CACNA2D3: variants seen among roughly 807,000 people sequenced by gnomAD.
The protein encoded by CACNA2D3 is calcium voltage-gated channel auxiliary subunit alpha2delta 3, also known as voltage-dependent calcium channel subunit alpha-2/delta-3.
CACNA2D3 carries 60 observed loss-of-function variants against 160.6 expected under a neutral mutation model. That is an observed-to-expected ratio of 0.37 (90% confidence interval 0.30 to 0.46). CACNA2D3 has a LOEUF of 0.46. Among genes scored for constraint, CACNA2D3 ranks in the 20% least tolerant of loss-of-function variants. The probability of loss-of-function intolerance (pLI) is 1.00; values close to 1 mark genes in which losing one functional copy is unlikely to be tolerated. For synonymous variants in CACNA2D3, 558 were observed against 492.9 expected (o/e 1.13, Z -1.75); for missense variants, 1,205 against 1,365.0 (o/e 0.88, Z 1.85).
chr3:54,705,949 G>A (rs540622237), intron 11 of CACNA2D3, among the ~76,000 whole-genome samples: 193 of 152,184 alleles, frequency 1.3e-3, no homozygotes, highest in African/African-American at 4.3e-3. Flanking sequence ...TCTTCTCCTC[G>A]TATAGTTCTC....
intron 11 of CACNA2D3, among the ~76,000 whole-genome samples, chr3:54,709,386 G>C (rs1174431974): frequency 6.6e-6 from 1 of 151,292 alleles, no homozygotes; most frequent in Non-Finnish European, 1.5e-5. Flanking sequence ...CTTAAAGAGA[G>C]GGTCTCCCTC....
intron 4 of CACNA2D3, among the ~76,000 whole-genome samples, chr3:54,397,331 A>T (rs1699374904): frequency 1.7e-5 from 1 of 60,140 alleles, no homozygotes; most frequent in Non-Finnish European, 3.1e-5. Flanking sequence ...TTCTGCTCTG[A>T]TTTTAGTTAT....
At chr3:54,268,910 T>A (rs1226406465) in intron 2 of CACNA2D3, among the ~76,000 whole-genome samples, 1 of 152,160 alleles carries the variant, frequency 6.6e-6, no homozygotes, top group Non-Finnish European at 1.5e-5. Flanking sequence ...TGAAACTTAG[T>A]GGCATGAGAA....
rs188638342 is a variant in CACNA2D3, at chr3:54,673,979, C to T, written c.1167+31738C>T. Among the ~76,000 whole-genome samples, 53 of 152,312 alleles carry T rather than the reference C, an allele frequency of 3.5e-4. 1 individual carries two copies. Among genetic ancestry groups the T allele is most frequent in the Admixed American group, 6.5e-4 (10 of 15,304 alleles). On this transcript the variant is annotated intron_variant, in intron 11 of 37. Coordinates refer to ENST00000474759, the MANE Select transcript of CACNA2D3 (RefSeq NM_018398.3). ...CCGCCGGCAGCTGTGTCTTCCATGGCTGATGAAGCAGAGCAAGGGAGGCAG... is the reference window on the plus strand; with the variant it reads ...CCGCCGGCAGCTGTGTCTTCCATGGTTGATGAAGCAGAGCAAGGGAGGCAG...
chr3:54,431,395 T>G (rs1448632175), intron 4 of CACNA2D3, among the ~76,000 whole-genome samples: 1 of 151,978 alleles, frequency 6.6e-6, no homozygotes, highest in African/African-American at 2.4e-5. Context: ...TATTTGCTAT[T>G]AAATGAAAGT....
intron 17 of CACNA2D3, among the ~76,000 whole-genome samples, chr3:54,860,271 G>A (rs1353441304): frequency 1.3e-5 from 2 of 152,200 alleles, no homozygotes; most frequent in Admixed American, 6.5e-5. Flanking sequence ...TCTCCACAGT[G>A]AAGAGGTGTA....
At chr3:54,372,820 C>T (rs1698949583) in intron 3 of CACNA2D3, among the ~76,000 whole-genome samples, 1 of 152,216 alleles carries the variant, frequency 6.6e-6, no homozygotes, top group Non-Finnish European at 1.5e-5. Flanking sequence ...ATCCTTTAAG[C>T]TAGCTTCTCA....
At chr3:54,565,713 A>G (rs892206533) in intron 6 of CACNA2D3, among the ~76,000 whole-genome samples, 5 of 152,220 alleles carry the variant, frequency 3.3e-5, no homozygotes, top group African/African-American at 1.2e-4. Context: ...TGAATAACAT[A>G]ATGCTGTAGG....
Position 54,521,529 on chromosome 3 carries a change from A to G in CACNA2D3, c.544+17875A>G, listed in dbSNP as rs890649601. 2.0e-5 allele frequency among the ~76,000 whole-genome samples: 3 copies of G among 152,204 alleles called. No homozygotes were observed. The East Asian group carries it at 5.8e-4, about 29-fold the overall frequency. ...GCTTTCTGGATGATGCTCTTTGAAG[A>G]ACAAAAGGTTTTAATTTTGATGAAG... On this transcript the variant is annotated intron_variant, in intron 5 of 37. Coordinates refer to ENST00000474759, the MANE Select transcript of CACNA2D3 (RefSeq NM_018398.3).
chr3:54,628,132 G>A (rs1473959148), intron 10 of CACNA2D3, among the ~76,000 whole-genome samples: 5 of 152,100 alleles, frequency 3.3e-5, no homozygotes, highest in Admixed American at 1.3e-4. Flanking sequence ...CTCGGGAGGT[G>A]GAGGCAGGAG....
At chr3:54,693,062 A>G (rs1700598335) in intron 11 of CACNA2D3, among the ~76,000 whole-genome samples, 1 of 152,126 alleles carries the variant, frequency 6.6e-6, no homozygotes, top group African/African-American at 2.4e-5. Context: ...AACAACAAAA[A>G]AGCCCCAAAG....
Position 54,467,231 on chromosome 3 carries a change from T to A in CACNA2D3, c.382-36261T>A, listed in dbSNP as rs562604207. Among the ~76,000 whole-genome samples, 3 of 152,316 alleles carry A rather than the reference T, an allele frequency of 2.0e-5. No individual in the cohort carries two copies. In the South Asian group the frequency reaches 6.2e-4, roughly 32 times the overall value. ...GAATGTGAGTCTAACCAACTGGGAC[T>A]GGTAAGAGGCACCAACTCTGTGTGC... On this transcript the variant is annotated intron_variant, in intron 4 of 37. Transcript: ENST00000474759.
At chr3:54,348,540 GA>G (rs1474671832) in intron 3 of CACNA2D3, among the ~76,000 whole-genome samples, 1 of 152,160 alleles carries the variant, frequency 6.6e-6, no homozygotes, top group Non-Finnish European at 1.5e-5. Context: ...TTTTTAAATG[GA>G]AATTCGAAGC....
At chr3:54,254,284 G>A (rs1702253583) in intron 2 of CACNA2D3, among the ~76,000 whole-genome samples, 1 of 152,152 alleles carries the variant, frequency 6.6e-6, no homozygotes, top group African/African-American at 2.4e-5. Flanking sequence ...ATAGGGTACT[G>A]AAGATAGAGT....
chr3:54,604,452 G>A (rs1240825924), intron 9 of CACNA2D3, among the ~76,000 whole-genome samples: 2 of 152,004 alleles, frequency 1.3e-5, no homozygotes, highest in Non-Finnish European at 2.9e-5. Flanking sequence ...TTCTTGTATC[G>A]AAAACCAAAC....
At chr3:54,669,789 T>G (rs1467261539) in intron 11 of CACNA2D3, among the ~76,000 whole-genome samples, 1 of 152,090 alleles carries the variant, frequency 6.6e-6, no homozygotes. Context: ...ATTTATTTGT[T>G]TTGAGACCAG....
intron 17 of CACNA2D3, among the ~76,000 whole-genome samples, chr3:54,868,622 C>T (rs996374514): frequency 4.6e-5 from 7 of 152,094 alleles, no homozygotes; most frequent in Admixed American, 1.3e-4. Flanking sequence ...GGTTCTTTAG[C>T]GCAGGTATGA....
rs996392647 is a variant in CACNA2D3 at position 54,124,209 on chromosome 3, A to C, written c.204+615A>C. Among the ~76,000 whole-genome samples the C allele has an allele frequency of 2.0e-5, 3 of 152,246 alleles. 1 individual carries two copies. The highest frequency in any genetic ancestry group is 4.4e-5 in the Non-Finnish European group (3 of 68,052). On this transcript the variant is annotated intron_variant, in intron 2 of 37. Transcript: ENST00000474759. ...AAACTTAAGAAATGGGTCTGCATCCATGTAATTCTGGAGAGTAATGAGAAT... is the reference window on the plus strand; with the variant it reads ...AAACTTAAGAAATGGGTCTGCATCCCTGTAATTCTGGAGAGTAATGAGAAT...
chr3:54,634,631 G>A (rs1234246088), intron 10 of CACNA2D3: 6 of 152,068 alleles, frequency 3.9e-5, no homozygotes, highest in Admixed American at 6.5e-5. Flanking sequence ...ATTTGGGTAG[G>A]TAAAGGAAAA....
Sources: allele counts gnomAD v4.1 joint callset (sites outside exome capture counted in the v4.1 genomes callset), GRCh38; gene constraint gnomAD v4.1.1; transcripts MANE v1.5; gene names NCBI Gene and HGNC (gene_info 2026-07-23, HGNC 2026-07-21).